The following CNOT10 variants were observed in gnomAD, a reference collection of about 807,000 sequenced individuals.
The protein encoded by CNOT10 is CCR4-NOT transcription complex subunit 10.
A neutral mutation model predicts 94.6 loss-of-function variants in CNOT10; 30 were observed. The observed-to-expected ratio is 0.32, with a 90% CI of 0.24 to 0.43. CNOT10 has a LOEUF of 0.43. Among genes scored for constraint, CNOT10 ranks in the 20% least tolerant of loss-of-function variants. The pLI is 1.00. For synonymous variants in CNOT10, 289 were observed against 301.6 expected (o/e 0.96, Z 0.43); for missense variants, 759 against 877.2 (o/e 0.87, Z 1.70).
intron 13 of CNOT10, among the ~76,000 whole-genome samples, chr3:32,755,200 C>T (rs1286355761): frequency 2.0e-5 from 3 of 150,180 alleles, no homozygotes; most frequent in African/African-American, 7.3e-5. Context: ...GAGCAGAGAT[C>T]ATGCCATTGC....
chr3:32,685,701 A>G (rs929814297), intron 1 of CNOT10, among the ~76,000 whole-genome samples: 3 of 152,160 alleles, frequency 2.0e-5, no homozygotes, highest in Non-Finnish European at 4.4e-5. Flanking sequence ...TGAAGTCGCC[A>G]CTGGCCGCCT....
In CNOT10 at chr3:32,717,234, A is replaced by C. The variant is rs1214417123; in HGVS notation, c.741A>C (p.Gly247=). The part of the protein sequence containing the change: ...REIKSVMNTA[G]NSAPSLFLKS... ...TCAAGTCAGTCATGAATACAGCTGG[A>C]AATGTAAGTTTCTTCTGGACTTTTG... The change falls in exon 7 of 19, where the codon GGA becomes GGC. Residue 247 remains glycine (G), a synonymous_variant. Transcript: ENST00000328834. 6.3e-7 allele frequency: 1 copy of C among 1,591,974 alleles called. No individual in the cohort carries two copies. The highest frequency in any genetic ancestry group is 8.6e-7 in the Non-Finnish European group (1 of 1,164,204).
At chr3:32,698,869 T>C (rs1697200158) in intron 1 of CNOT10, among the ~76,000 whole-genome samples, 1 of 152,184 alleles carries the variant, frequency 6.6e-6, no homozygotes, top group Non-Finnish European at 1.5e-5. Flanking sequence ...CACTGCACAC[T>C]CCACCTCCTG....
chr3:32,755,360 C>T (rs1328963237), intron 13 of CNOT10, among the ~76,000 whole-genome samples: 4 of 141,502 alleles, frequency 2.8e-5, no homozygotes, highest in African/African-American at 1.0e-4. Flanking sequence ...CTCTTGTTGC[C>T]CAGGCTGGAG....
intron 13 of CNOT10, among the ~76,000 whole-genome samples, chr3:32,745,907 C>T (rs1393378086): frequency 1.3e-5 from 2 of 152,142 alleles, no homozygotes; most frequent in Non-Finnish European, 2.9e-5. Flanking sequence ...GGGAGGATCA[C>T]CTGAGCCCTG....
At chr3:32,721,960 A>G (rs1277930515) in intron 8 of CNOT10, among the ~76,000 whole-genome samples, 1 of 114,598 alleles carries the variant, frequency 8.7e-6, no homozygotes, top group Non-Finnish European at 2.1e-5. Flanking sequence ...CCTATTACAT[A>G]TTCTTGCCTC....
rs762175270 is a variant in CNOT10 at position 32,733,408 on chromosome 3, A to C, written c.1216-15A>C. 1 of 1,543,550 alleles carries C rather than the reference A, an allele frequency of 6.5e-7. No individual in the cohort carries two copies. The highest frequency in any genetic ancestry group is 8.8e-7 in the Non-Finnish European group (1 of 1,138,100). ...AATTCCCTTAAATTTATTGGAAATT[A>C]TTTGTATTTTGTAGACTTCTGAACA... On this transcript the variant is annotated splice_polypyrimidine_tract_variant and intron_variant, in intron 10 of 18. Coordinates refer to ENST00000328834, the MANE Select transcript of CNOT10 (RefSeq NM_015442.3).
chr3:32,772,303 C>G (rs138066268), intron 18 of CNOT10, among the ~76,000 whole-genome samples: 2 of 151,422 alleles, frequency 1.3e-5, no homozygotes, highest in Non-Finnish European at 2.9e-5. Context: ...GAGCCGAGAT[C>G]GTGCCACTGC....
At chr3:32,724,458 G>A (rs530949915) in intron 8 of CNOT10, among the ~76,000 whole-genome samples, 437 of 150,052 alleles carry the variant, frequency 2.9e-3, no homozygotes, top group Non-Finnish European at 5.2e-3. Context: ...TGTCACTCAG[G>A]CTGGAGTGCA....
intron 1 of CNOT10, among the ~76,000 whole-genome samples, chr3:32,696,814 A>G (rs547207417): frequency 6.6e-6 from 1 of 152,038 alleles, no homozygotes; most frequent in African/African-American, 2.4e-5. Context: ...TCCTGAGCTC[A>G]AGATCCACCC....
At chr3:32,768,983 C>T (rs1478929452) in intron 17 of CNOT10, 4 of 152,244 alleles carry the variant, frequency 2.6e-5, no homozygotes, top group Admixed American at 1.3e-4. Flanking sequence ...TCCTTTCTCT[C>T]CATATTCACA....
intron 10 of CNOT10, 88 bp from the exon 11 acceptor site, chr3:32,733,335 T>C: frequency 9.5e-7 from 1 of 1,048,194 alleles, no homozygotes; most frequent in Non-Finnish European, 1.3e-6. Context: ...TTCTTAAATT[T>C]AGAGTAATTG....
At chr3:32,725,337 G>A (rs1025602080) in intron 8 of CNOT10, 113 bp from the exon 9 acceptor site, 21 of 796,824 alleles carry the variant, frequency 2.6e-5, no homozygotes, top group Middle Eastern at 2.8e-4. Flanking sequence ...TGTTCTTTAG[G>A]GAGTAAGTGG....
At chr3:32,735,095 C>T (rs1376122987) in intron 12 of CNOT10, 119 bp downstream of exon 12, 9 of 848,226 alleles carry the variant, frequency 1.1e-5, no homozygotes, top group African/African-American at 5.2e-5. Context: ...TTCTGTTTTG[C>T]GTAACAAGAA....
intron 13 of CNOT10, chr3:32,753,949 T>G (rs1337305164): frequency 5.3e-6 from 5 of 936,046 alleles, no homozygotes; most frequent in African/African-American, 1.7e-5. Context: ...ATATAAAAAT[T>G]AGCTGGGCAT....
intron 13 of CNOT10, among the ~76,000 whole-genome samples, chr3:32,750,654 C>T (rs181431227): frequency 2.6e-5 from 4 of 151,742 alleles, no homozygotes; most frequent in Admixed American, 2.0e-4. Flanking sequence ...TGGGTTCAAG[C>T]GATTCTCCTG....
At chr3:32,719,715 G>T (rs1698285407) in intron 7 of CNOT10, among the ~76,000 whole-genome samples, 1 of 152,042 alleles carries the variant, frequency 6.6e-6, no homozygotes, top group Admixed American at 6.6e-5. Context: ...AGGTTCTAAT[G>T]AAAGGTGCAT....
At chr3:32,692,547 C>T (rs1237048945) in intron 1 of CNOT10, among the ~76,000 whole-genome samples, 1 of 152,162 alleles carries the variant, frequency 6.6e-6, no homozygotes, top group Non-Finnish European at 1.5e-5. Flanking sequence ...ATTAGTGATG[C>T]TAAATTTGAT....
chr3:32,694,606 T>G (rs562152272), intron 1 of CNOT10, among the ~76,000 whole-genome samples: 1 of 152,244 alleles, frequency 6.6e-6, no homozygotes, highest in African/African-American at 2.4e-5. Context: ...TTTGTTTGTT[T>G]TTTGAGGCAG....
Sources: allele counts gnomAD v4.1 joint callset (sites outside exome capture counted in the v4.1 genomes callset), GRCh38; gene constraint gnomAD v4.1.1; transcripts MANE v1.5; gene names NCBI Gene and HGNC (gene_info 2026-07-23, HGNC 2026-07-21).